PNPLA7: variants seen among roughly 807,000 people sequenced by gnomAD.
PNPLA7 encodes the protein patatin-like phospholipase domain-containing protein 7.
PNPLA7 carries 153 observed loss-of-function variants against 161.7 expected under a neutral mutation model. That is an observed-to-expected ratio of 0.95 (90% CI 0.83 to 1.08). PNPLA7 has a LOEUF of 1.08. Ranked by LOEUF, PNPLA7 falls within the 50% of genes least tolerant of loss-of-function variation. The probability of loss-of-function intolerance (pLI) is 0.00; values close to 1 mark genes in which losing one functional copy is unlikely to be tolerated. For missense variants in PNPLA7, 1,739 were observed against 1,856.6 expected (o/e 0.94, Z 1.16); for synonymous variants, 809 against 782.1 (o/e 1.03, Z -0.57).
At position 137,460,304 on chromosome 9, in the gene PNPLA7, G is replaced by T; in HGVS notation, c.*89C>A. On this transcript the variant is annotated 3_prime_UTR_variant, in exon 35 of 35. Coordinates refer to ENST00000406427, the MANE Select transcript of PNPLA7 (RefSeq NM_001098537.3). ...GAAGTCAGGGCTTCCAGCAGGGCAG[G>T]TACAGAGGCCCCTAGGACTTGGCAG... 1 of 1,352,656 alleles carries T rather than the reference G, an allele frequency of 7.4e-7. No individual in the cohort carries two copies. The highest frequency in any genetic ancestry group is 1.0e-6 in the Non-Finnish European group (1 of 982,460). The allele number at this position is 1,352,656 out of a possible 1,614,324, so 83.8% of individuals were successfully genotyped here.
chr9:137,482,756 G>A (rs576376601), intron 21 of PNPLA7, among the ~76,000 whole-genome samples: 26 of 152,270 alleles, frequency 1.7e-4, no homozygotes, highest in Admixed American at 7.2e-4. Flanking sequence ...TCCCGGCCTC[G>A]ATGTTACCCC....
intron 33 of PNPLA7, chr9:137,461,072 G>A: frequency 2.8e-6 from 1 of 362,550 alleles, no homozygotes; most frequent in Non-Finnish European, 5.2e-6. Context: ...GGGCCCTCTC[G>A]GCCTGCGGCA....
At position 137,547,536 on chromosome 9, in the gene PNPLA7, AGGCCAC is replaced by A; in HGVS notation, c.105+43_105+48del. On this transcript the variant is annotated intron_variant, in intron 2 of 34. Transcript: ENST00000406427. The surrounding 1 kb of genome is among the most constrained non-coding windows in gnomAD (Gnocchi z 4.6). ...GGATGGGGACAGGGAGAGGTGAAAA[AGGCCAC>A]GGCCCATCCAGGTCTGGCTCCAGGG... 1 of 1,605,672 alleles carries A rather than the reference AGGCCAC, an allele frequency of 6.2e-7. No individual in the cohort carries two copies. The highest frequency in any genetic ancestry group is 1.7e-5 in the Admixed American group (1 of 60,002).
chr9:137,519,813 G>A, intron 11 of PNPLA7, 104 bp downstream of exon 11: 17 of 1,438,806 alleles, frequency 1.2e-5, no homozygotes, highest in Non-Finnish European at 1.4e-5. Flanking sequence ...TGTGTGTGGT[G>A]GCCTCAGGCA....
rs148776350 is a variant in PNPLA7 at position 137,498,172 on chromosome 9, G to A, written c.1831C>T (p.Arg611Trp). The A allele has an allele frequency of 4.6e-5, 74 of 1,612,924 alleles. No individual in the cohort carries two copies. The highest frequency in any genetic ancestry group is 3.3e-4 in the Middle Eastern group (2 of 6,060). The change falls in exon 17 of 35, where the codon CGG (arginine) becomes TGG (tryptophan). Residue 611 changes from arginine (R) to tryptophan (W), a missense_variant. By Grantham distance (101) the Arg-to-Trp change is moderately radical. Transcript: ENST00000406427. ...CAGTCCAGGGCAAAGTCGATTTGCC[G>A]CACGAAGGACGACATCCTCTTCACC... ...TVVKRMSSFV[R>W]QIDFALDWVE...
At chr9:137,461,779 C>G (rs944265234) in intron 32 of PNPLA7, 152 bp downstream of exon 32, 2 of 1,190,244 alleles carry the variant, frequency 1.7e-6, no homozygotes, top group African/African-American at 3.1e-5. Context: ...CAGTCCTGAG[C>G]AATCCTTGTC....
At chr9:137,519,294 C>A (rs1834859275) in intron 11 of PNPLA7, among the ~76,000 whole-genome samples, 1 of 152,254 alleles carries the variant, frequency 6.6e-6, no homozygotes, top group African/African-American at 2.4e-5. Flanking sequence ...GTGCACGCCG[C>A]ACCCGACCGC....
Position 137,543,965 on chromosome 9 carries a change from C to T in PNPLA7, c.274-150G>A. On this transcript the variant is annotated intron_variant, in intron 4 of 34. Coordinates refer to ENST00000406427, the MANE Select transcript of PNPLA7 (RefSeq NM_001098537.3). This position sits in a 1 kb window ranked among gnomAD's most constrained non-coding sequence, Gnocchi z 6.9. Reference sequence around the variant, plus strand: ...GGTCTGGCTGTGCCATTTTCCCACCCTGCCTGGCCTGTGAGGGAATGTTGG... The same window carrying T: ...GGTCTGGCTGTGCCATTTTCCCACCTTGCCTGGCCTGTGAGGGAATGTTGG... 1.5e-6 allele frequency: 1 copy of T among 650,298 alleles called. No homozygotes were observed. The highest frequency in any genetic ancestry group is 2.7e-6 in the Non-Finnish European group (1 of 367,450). 40.3% of individuals were successfully genotyped at this position (650,298 alleles called of 1,614,324 possible).
chr9:137,461,039 G>A (rs1395427095), intron 33 of PNPLA7: 7 of 413,886 alleles, frequency 1.7e-5, no homozygotes, highest in Admixed American at 1.6e-4. Flanking sequence ...CCTGGCAACT[G>A]TGGATAGGGG....
chr9:137,538,924 T>G (rs770120541), intron 8 of PNPLA7, among the ~76,000 whole-genome samples: 8 of 152,266 alleles, frequency 5.3e-5, no homozygotes, highest in Admixed American at 3.3e-4. Context: ...TGATGGCACA[T>G]TCCTGTAATC....
chr9:137,491,839 A>G (rs574761961), intron 20 of PNPLA7: 1 of 985,450 alleles, frequency 1.0e-6, no homozygotes, highest in East Asian at 1.1e-4. Flanking sequence ...GTGACAGGTC[A>G]TGCAATGTGT....
chr9:137,492,354 C>T, intron 20 of PNPLA7: 22 of 982,958 alleles, frequency 2.2e-5, no homozygotes, highest in Non-Finnish European at 2.7e-5. Context: ...GGAGATATAT[C>T]ACATTTCATC....
chr9:137,544,058 C>T (rs1303349248), intron 4 of PNPLA7, among the ~76,000 whole-genome samples: 1 of 152,174 alleles, frequency 6.6e-6, no homozygotes, highest in Non-Finnish European at 1.5e-5. Flanking sequence ...CCTCCAGAGC[C>T]CCCAGGCTTC....
At chr9:137,522,117 C>T (rs892808806) in intron 9 of PNPLA7, among the ~76,000 whole-genome samples, 4 of 152,206 alleles carry the variant, frequency 2.6e-5, no homozygotes, top group Non-Finnish European at 5.9e-5. Context: ...CTATGCCGCC[C>T]AGGCTGGAGT....
At position 137,536,889 on chromosome 9, in the gene PNPLA7, T is replaced by C. The variant is rs1344228262; in HGVS notation, c.747+3753A>G. Reference sequence around the variant, plus strand: ...GACAGGAAGCATGGGGGCCATCCTCTGAGCCATACTTCATCTCCCACGACA... The same window carrying C: ...GACAGGAAGCATGGGGGCCATCCTCCGAGCCATACTTCATCTCCCACGACA... On this transcript the variant is annotated intron_variant, in intron 8 of 34. Coordinates refer to ENST00000406427, the MANE Select transcript of PNPLA7 (RefSeq NM_001098537.3). 8.2e-3 allele frequency among the ~76,000 whole-genome samples: 929 copies of C among 113,598 alleles called. 19 individuals are homozygous for C. The highest frequency in any genetic ancestry group is 0.028 in the African/African-American group (754 of 26,680). 74.5% of individuals were successfully genotyped at this position (113,598 alleles called of 152,430 possible).
chr9:137,510,330 G>A (rs1049652051), intron 12 of PNPLA7, among the ~76,000 whole-genome samples: 2 of 152,156 alleles, frequency 1.3e-5, no homozygotes, highest in Non-Finnish European at 2.9e-5. Flanking sequence ...CAGTGGTCAC[G>A]CTCCTAGTCC....
At position 137,495,157 on chromosome 9, in the gene PNPLA7, G is replaced by A; in HGVS notation, c.2014-11C>T. On this transcript the variant is annotated splice_polypyrimidine_tract_variant and intron_variant, in intron 18 of 34. Transcript: ENST00000406427. ...GGTCAGTGTCTCCACCTGAGGACAG[G>A]AGCCGGCTGCTGGGGCCGCGGGCTT... is the stretch of plus-strand genomic sequence containing the variant. 4 of 1,583,646 alleles carry A rather than the reference G, an allele frequency of 2.5e-6. No individual in the cohort carries two copies. The highest frequency in any genetic ancestry group is 1.3e-5 in the African/African-American group (1 of 74,700).
At chr9:137,491,262 C>T (rs1385719564) in intron 20 of PNPLA7, among the ~76,000 whole-genome samples, 3 of 152,044 alleles carry the variant, frequency 2.0e-5, no homozygotes, top group African/African-American at 7.3e-5. Flanking sequence ...AATAGCGAGA[C>T]CCCATCTCTA....
At chr9:137,484,806 G>GC (rs1460651678) in intron 20 of PNPLA7, 70 bp from the exon 21 acceptor site, 35 of 1,478,704 alleles carry the variant, frequency 2.4e-5, no homozygotes, top group Middle Eastern at 2.0e-4. Flanking sequence ...ATGCCCTGGG[G>GC]CCCCCCGAGG....
Sources: gnomAD v4.1 joint callset for allele counts (sites outside exome capture counted in the v4.1 genomes callset) on GRCh38, gnomAD v4.1.1 for gene constraint, Gnocchi (gnomAD v3.1) non-coding constraint, MANE v1.5 for transcripts, NCBI Gene and HGNC (gene_info 2026-07-23, HGNC 2026-07-21) for gene names.